SORBS2: variants seen among roughly 807,000 people sequenced by gnomAD.
SORBS2 encodes sorbin and SH3 domain-containing protein 2.
Under a neutral mutation model 97.7 loss-of-function variants are expected in SORBS2, and 46 were observed. That is an observed-to-expected ratio of 0.47 (90% CI 0.37 to 0.60). The LOEUF (loss-of-function observed/expected upper bound fraction) is 0.60. Among genes scored for constraint, SORBS2 ranks in the 20% least tolerant of loss-of-function variants. SORBS2 has a pLI of 0.00. For missense variants in SORBS2, 1,316 were observed against 1,282.3 expected, an observed-to-expected ratio of 1.03 and a Z score of -0.40; for synonymous variants, 476 against 473.4, an observed-to-expected ratio of 1.01 and a Z score of -0.07.
chr4:185,755,682 A>G (rs139663626), intron 2 of SORBS2, among the ~76,000 whole-genome samples: 1 of 152,324 alleles, frequency 6.6e-6, no homozygotes, highest in Non-Finnish European at 1.5e-5. Context: ...ACCACACATT[A>G]ACTCAGACCA....
At chr4:185,870,192 C>T (rs879882792) in intron 1 of SORBS2, among the ~76,000 whole-genome samples, 4 of 152,136 alleles carry the variant, frequency 2.6e-5, no homozygotes, top group African/African-American at 7.2e-5. Context: ...ATGTTATTGT[C>T]GTTATCTAGA....
chr4:185,717,057 T>C lies in SORBS2; in HGVS notation c.-197-38235A>G, dbSNP rs534365894. ...AAAACTGTCCGAGCTTAGGACACTT[T>C]AGTGCTCATTCTTCCTGCAACACTA... is the stretch of plus-strand genomic sequence containing the variant. On this transcript the variant is annotated intron_variant, in intron 2 of 20. Coordinates refer to the SORBS2 transcript ENST00000284776. Among the ~76,000 whole-genome samples, 4 of 152,336 alleles carry C rather than the reference T, an allele frequency of 2.6e-5. No individual in the cohort carries two copies. In the South Asian group the frequency reaches 6.2e-4, roughly 24 times the overall value.
chr4:185,924,305 G>A (rs534757402), intron 1 of SORBS2, among the ~76,000 whole-genome samples: 3 of 152,336 alleles, frequency 2.0e-5, no homozygotes, highest in African/African-American at 7.2e-5. Context: ...TGCCTTAGAA[G>A]TTTGGGGAAG....
chr4:185,706,495 C>G (rs780037252), intron 2 of SORBS2, among the ~76,000 whole-genome samples: 7 of 152,116 alleles, frequency 4.6e-5, no homozygotes, highest in Non-Finnish European at 1.0e-4. Flanking sequence ...AACCACAATC[C>G]TTGGTGCATG....
upstream of SORBS2, among the ~76,000 whole-genome samples, chr4:185,658,733 C>CA (rs1582024883): frequency 6.9e-6 from 1 of 145,386 alleles, no homozygotes; most frequent in Admixed American, 7.0e-5. Flanking sequence ...GCTCTGTCAC[C>CA]CAGCTGGAGT....
Position 185,598,057 on chromosome 4 carries a change from T to C in SORBS2, c.2797-4122A>G, listed in dbSNP as rs139585391. 1.5e-3 allele frequency among the ~76,000 whole-genome samples: 228 copies of C among 152,318 alleles called. 2 individuals carry two copies. Among genetic ancestry groups the C allele is most frequent in the African/African-American group, 5.3e-3 (219 of 41,574 alleles). On this transcript the variant is annotated intron_variant, in intron 12 of 14. Coordinates refer to ENST00000418609, the Ensembl canonical transcript of SORBS2. ...AGGCATTTCCATTTCCCCTAACTTC[T>C]TAGCAGTTTTAAGATAAATATAGAA...
intron 1 of SORBS2, among the ~76,000 whole-genome samples, chr4:185,784,891 C>T (rs917884905): frequency 6.6e-6 from 1 of 152,120 alleles, no homozygotes; most frequent in Non-Finnish European, 1.5e-5. Context: ...TGCCTAACGC[C>T]CCGGGAGCTG....
chr4:185,873,844 A>G (rs2099231809), intron 1 of SORBS2, among the ~76,000 whole-genome samples: 1 of 152,228 alleles, frequency 6.6e-6, no homozygotes, highest in South Asian at 2.1e-4. Flanking sequence ...TATAACATGA[A>G]CATTTATATT....
intron 4 of SORBS2, among the ~76,000 whole-genome samples, chr4:185,635,969 C>T (rs958978979): frequency 3.3e-5 from 5 of 152,114 alleles, no homozygotes; most frequent in Non-Finnish European, 7.3e-5. Flanking sequence ...AGTGATTCTC[C>T]CACCTCAGCC....
At chr4:185,834,350 A>G (rs2099206796) in intron 1 of SORBS2, among the ~76,000 whole-genome samples, 1 of 152,202 alleles carries the variant, frequency 6.6e-6, no homozygotes. Flanking sequence ...TTGGGCTGGG[A>G]CAGATCCAAA....
At chr4:185,872,718 G>C (rs540479703) in intron 1 of SORBS2, among the ~76,000 whole-genome samples, 11 of 152,210 alleles carry the variant, frequency 7.2e-5, no homozygotes, top group Admixed American at 2.6e-4. Flanking sequence ...TGTGGTTGGG[G>C]AGAGGGAGAA....
At position 185,589,700 on chromosome 4, in the gene SORBS2, AC is replaced by A; in HGVS notation, c.2931del (p.Lys977AsnfsTer36). On this transcript the variant is annotated frameshift_variant, in exon 14 of 15. Coordinates refer to ENST00000418609, the Ensembl canonical transcript of SORBS2. LOFTEE classifies it high-confidence loss of function. ...ATACCCACAAACCAGCCGTCATCAC[AC>A]TTTTCCATGACATCAATGACATCAC... 3 of 1,610,234 alleles carry A rather than the reference AC, an allele frequency of 1.9e-6. No homozygotes were observed. Among genetic ancestry groups the A allele is most frequent in the Non-Finnish European group, 2.5e-6 (3 of 1,176,492 alleles).
chr4:185,714,361 A>G lies in SORBS2; in HGVS notation c.-197-35539T>C, dbSNP rs191866082. ...CCTACACTTGGTCTATACCAGGTTT[A>G]TATACTGAGTTTCATGGATACACTT... On this transcript the variant is annotated intron_variant, in intron 2 of 20. Coordinates refer to the SORBS2 transcript ENST00000284776. 1.9e-4 allele frequency among the ~76,000 whole-genome samples: 29 copies of G among 152,284 alleles called. No homozygotes were observed. The East Asian group carries it at 5.0e-3, about 26-fold the overall frequency.
At chr4:185,946,126 T>C (rs1247079081) in intron 1 of SORBS2, among the ~76,000 whole-genome samples, 1 of 142,660 alleles carries the variant, frequency 7.0e-6, no homozygotes, top group Non-Finnish European at 1.5e-5. Flanking sequence ...TTTCTATGCA[T>C]GTGTGTGACA....
chr4:185,931,488 G>A (rs2099266409), intron 1 of SORBS2, among the ~76,000 whole-genome samples: 1 of 152,186 alleles, frequency 6.6e-6, no homozygotes, highest in Non-Finnish European at 1.5e-5. Flanking sequence ...CAAGAAGCAG[G>A]CTGCGGGTGA....
intron 1 of SORBS2, among the ~76,000 whole-genome samples, chr4:185,850,569 A>G (rs1286277886): frequency 6.6e-6 from 1 of 152,228 alleles, no homozygotes; most frequent in Non-Finnish European, 1.5e-5. Context: ...AGTGCTATTA[A>G]AAACCCATCT....
intron 2 of SORBS2, among the ~76,000 whole-genome samples, chr4:185,692,213 T>G (rs2098111612): frequency 6.6e-6 from 1 of 152,180 alleles, no homozygotes; most frequent in Non-Finnish European, 1.5e-5. Context: ...CCACTTGGCC[T>G]TTGCTCCTGA....
At chr4:185,949,512 T>A (rs2099276143) in intron 1 of SORBS2, among the ~76,000 whole-genome samples, 1 of 151,708 alleles carries the variant, frequency 6.6e-6, no homozygotes, top group Non-Finnish European at 1.5e-5. Flanking sequence ...TTAACTAAAG[T>A]CCACGTGATT....
At chr4:185,820,107 C>G (rs2099195827) in intron 1 of SORBS2, among the ~76,000 whole-genome samples, 1 of 152,150 alleles carries the variant, frequency 6.6e-6, no homozygotes, top group South Asian at 2.1e-4. Context: ...CCTCCGGGAC[C>G]TTCCAATACC....
Sources: allele counts gnomAD v4.1 joint callset (sites outside exome capture counted in the v4.1 genomes callset), GRCh38; gene constraint gnomAD v4.1.1; transcripts MANE v1.5; gene names NCBI Gene and HGNC (gene_info 2026-07-23, HGNC 2026-07-21).